Variants in LVRN observed in about 807,000 individuals in gnomAD.
The protein encoded by LVRN is laeverin.
A neutral mutation model predicts 111.4 loss-of-function variants in LVRN; 99 were observed. The observed-to-expected ratio is 0.89, with a 90% confidence interval of 0.76 to 1.05. LVRN has a LOEUF of 1.05. LVRN is among the 50% of genes least tolerant of loss of function. The probability of loss-of-function intolerance (pLI) is 0.00; values close to 1 mark genes in which losing one functional copy is unlikely to be tolerated. For missense variants in LVRN, 1,414 were observed against 1,206.8 expected (o/e 1.17, Z -2.54); for synonymous variants, 488 against 449.5 (o/e 1.09, Z -1.08).
intron 1 of LVRN, among the ~76,000 whole-genome samples, chr5:115,977,917 C>T (rs1220738871): frequency 6.6e-6 from 1 of 151,906 alleles, no homozygotes; most frequent in Admixed American, 6.6e-5. Flanking sequence ...AAAGAAGGAA[C>T]TGAAAGATAT....
Position 115,999,812 on chromosome 5 carries a change from C to G in LVRN, c.1425C>G (p.His475Gln). ...TACATAATATCCTCAGAGAAGATCACGCCCTGGTGACTAGAGCTGTGGCCA... is the reference window on the plus strand; with the variant it reads ...TACATAATATCCTCAGAGAAGATCAGGCCCTGGTGACTAGAGCTGTGGCCA... ...NILHNILRED[H>Q]ALVTRAVAMK... Residue 475 changes from histidine to glutamine, a missense_variant, in exon 7 of 20, where the codon CAC (histidine) becomes CAG (glutamine). Transcript: ENST00000357872. 1 of 1,613,158 alleles carries G rather than the reference C, an allele frequency of 6.2e-7. No homozygotes were observed. The highest frequency in any genetic ancestry group is 8.5e-7 in the Non-Finnish European group (1 of 1,179,290).
chr5:115,990,815 G>A (rs557552369), intron 4 of LVRN, among the ~76,000 whole-genome samples: 38 of 152,130 alleles, frequency 2.5e-4, no homozygotes, highest in Admixed American at 2.1e-3. Flanking sequence ...CAAGTGATCC[G>A]TCCGCCTAGC....
rs1297169490 is a variant in LVRN, at chr5:115,962,514, A to T, written c.-104A>T. The T allele has an allele frequency of 9.5e-7, 1 of 1,047,128 alleles. No individual in the cohort carries two copies. Among genetic ancestry groups the T allele is most frequent in the South Asian group, 1.5e-5 (1 of 68,190 alleles). The allele number at this position is 1,047,128 out of a possible 1,614,324, so 64.9% of individuals were successfully genotyped here. A position where few individuals can be genotyped will look rare whatever the true frequency, so the allele number is the denominator to read the frequency against. ...CTTCCAGGAGGAAGAGGCACGATAC[A>T]AGAGAGGAGGGGCAGGGGTCGCAGC... On this transcript the variant is annotated 5_prime_UTR_variant, in exon 1 of 20. Transcript: ENST00000357872.
chr5:115,967,462 C>G (rs949842843), intron 1 of LVRN, among the ~76,000 whole-genome samples: 41 of 152,218 alleles, frequency 2.7e-4, no homozygotes, highest in Non-Finnish European at 8.8e-5. Context: ...ACTGGATTCT[C>G]TATTCTGTTC....
intron 1 of LVRN, among the ~76,000 whole-genome samples, chr5:115,981,750 C>T (rs2112569292): frequency 6.6e-6 from 1 of 152,248 alleles, no homozygotes; most frequent in African/African-American, 2.4e-5. Flanking sequence ...TTTAAAGATG[C>T]ATCTGTAACT....
At position 116,016,716 on chromosome 5, in the gene LVRN, C is replaced by T. The variant is rs1311777095; in HGVS notation, c.2756+951C>T. Among the ~76,000 whole-genome samples, 9 of 152,288 alleles carry T rather than the reference C, an allele frequency of 5.9e-5. No homozygotes were observed. The East Asian group carries it at 1.2e-3, about 20-fold the overall frequency. On this transcript the variant is annotated intron_variant, in intron 18 of 19. Transcript: ENST00000357872. ...TTTTCCATACAGTTTGACTACATAGCGTCTTCTAGGTATAGTTCTTCCAAA... is the reference window on the plus strand; with the variant it reads ...TTTTCCATACAGTTTGACTACATAGTGTCTTCTAGGTATAGTTCTTCCAAA...
intron 18 of LVRN, among the ~76,000 whole-genome samples, chr5:116,020,860 ACTAAC>A (rs938161780): frequency 6.6e-6 from 1 of 152,242 alleles, no homozygotes; most frequent in Non-Finnish European, 1.5e-5. Flanking sequence ...CTGTTCCCAC[ACTAAC>A]GTTAGATGTT....
intron 1 of LVRN, among the ~76,000 whole-genome samples, chr5:115,976,628 T>C (rs1425209900): frequency 6.6e-6 from 1 of 152,198 alleles, no homozygotes; most frequent in Non-Finnish European, 1.5e-5. Flanking sequence ...TGTTATGTTG[T>C]TTTTATCTTT....
intron 13 of LVRN, among the ~76,000 whole-genome samples, chr5:116,009,021 G>A (rs1264314029): frequency 1.3e-5 from 2 of 152,204 alleles, no homozygotes; most frequent in South Asian, 4.1e-4. Context: ...ACAAGTCAAT[G>A]CCTGGCTTCA....
chr5:115,987,049 G>C (rs1747885984), intron 3 of LVRN, among the ~76,000 whole-genome samples: 1 of 150,472 alleles, frequency 6.6e-6, no homozygotes, highest in Admixed American at 6.6e-5. Flanking sequence ...TTTTTTTAGA[G>C]TTTACAATAC....
chr5:115,973,142 C>A (rs558486127), intron 1 of LVRN, among the ~76,000 whole-genome samples: 1 of 152,156 alleles, frequency 6.6e-6, no homozygotes, highest in Non-Finnish European at 1.5e-5. Flanking sequence ...GTTGCCCAGG[C>A]TGGTCTCAAA....
At chr5:116,011,969 A>G (rs1393815940) in intron 14 of LVRN, among the ~76,000 whole-genome samples, 1 of 152,052 alleles carries the variant, frequency 6.6e-6, no homozygotes, top group Non-Finnish European at 1.5e-5. Flanking sequence ...TATACTTAGC[A>G]TGGATGTTTT....
At chr5:116,017,791 T>C (rs1181133432) in intron 18 of LVRN, among the ~76,000 whole-genome samples, 1 of 152,260 alleles carries the variant, frequency 6.6e-6, no homozygotes, top group East Asian at 1.9e-4. Flanking sequence ...ATGTTCATTA[T>C]TATTATCTTA....
chr5:115,992,391 A>C, intron 5 of LVRN, 114 bp downstream of exon 5: 2 of 1,225,016 alleles, frequency 1.6e-6, no homozygotes, highest in Non-Finnish European at 2.3e-6. Flanking sequence ...TAAAAAGAAA[A>C]ACATCTCAAA....
rs7724126 is a variant in LVRN, at chr5:115,999,819, G to T, written c.1432G>T (p.Val478Leu). The T allele has an allele frequency of 2.5e-6, 4 of 1,613,262 alleles. No individual in the cohort carries two copies. In the African/African-American group the frequency reaches 4.0e-5, roughly 16 times the overall value. The change falls in exon 7 of 20, where the codon GTG (valine) becomes TTG (leucine). Residue 478 changes from valine to leucine, a missense_variant. Physicochemically the swap from Val to Leu is conservative, Grantham distance 32. Coordinates refer to ENST00000357872, the MANE Select transcript of LVRN (RefSeq NM_173800.5). ...TATCCTCAGAGAAGATCACGCCCTGGTGACTAGAGCTGTGGCCATGAAGGT... is the reference window on the plus strand; with the variant it reads ...TATCCTCAGAGAAGATCACGCCCTGTTGACTAGAGCTGTGGCCATGAAGGT... ...HNILREDHAL[V>L]TRAVAMKVEN...
At chr5:115,995,961 TG>T (rs1306832732) in intron 6 of LVRN, among the ~76,000 whole-genome samples, 1 of 152,118 alleles carries the variant, frequency 6.6e-6, no homozygotes, top group African/African-American at 2.4e-5. Context: ...TGTGTGTGTG[TG>T]TGTGTGTGTG....
In LVRN at chr5:115,962,506, C is replaced by A. The variant is rs186797849; in HGVS notation, c.-112C>A. On this transcript the variant is annotated 5_prime_UTR_variant, in exon 1 of 20. Transcript: ENST00000357872. ...TCCAGGCTCTTCCAGGAGGAAGAGGCACGATACAAGAGAGGAGGGGCAGGG... is the reference window on the plus strand; with the variant it reads ...TCCAGGCTCTTCCAGGAGGAAGAGGAACGATACAAGAGAGGAGGGGCAGGG... 7.1e-4 allele frequency: 688 copies of A among 969,114 alleles called. 4 individuals are homozygous for A. The East Asian group carries it at 0.015, about 21-fold the overall frequency. 60.0% of individuals were successfully genotyped at this position (969,114 alleles called of 1,614,324 possible). A position where few individuals can be genotyped will look rare whatever the true frequency, so the allele number is the denominator to read the frequency against.
rs779119480 is a variant in LVRN at position 116,003,248 on chromosome 5, C to G, written c.1905C>G (p.Phe635Leu). The G allele has an allele frequency of 6.3e-7, 1 of 1,579,060 alleles. No individual in the cohort carries two copies. The highest frequency in any genetic ancestry group is 8.6e-7 in the Non-Finnish European group (1 of 1,163,386). The change falls in exon 12 of 20, where the codon TTC (phenylalanine) becomes TTG (leucine). Residue 635 changes from phenylalanine (F) to leucine (L), a missense_variant. Physicochemically the swap from Phe to Leu is conservative, Grantham distance 22 (BLOSUM62 0). Coordinates refer to ENST00000357872, the MANE Select transcript of LVRN (RefSeq NM_173800.5). ...LVWLDQSSKVFPEMQVSDSDH... is the reference protein window; with the variant it reads ...LVWLDQSSKVLPEMQVSDSDH... ...TCCCATATTCCTTTATAGAAGTATTCCCAGAAATGCAAGTTTCAGATTCTG... is the reference window on the plus strand; with the variant it reads ...TCCCATATTCCTTTATAGAAGTATTGCCAGAAATGCAAGTTTCAGATTCTG...
chr5:115,982,945 C>T (rs868272226), intron 1 of LVRN, among the ~76,000 whole-genome samples: 27 of 152,050 alleles, frequency 1.8e-4, no homozygotes, highest in African/African-American at 6.3e-4. Flanking sequence ...AGAAGTAATC[C>T]TAGCTTTATA....
Sources: gnomAD v4.1 joint callset for allele counts (sites outside exome capture counted in the v4.1 genomes callset) on GRCh38, gnomAD v4.1.1 for gene constraint, MANE v1.5 for transcripts, NCBI Gene and HGNC (gene_info 2026-07-23, HGNC 2026-07-21) for gene names.